Variants in PTPRT observed in about 807,000 individuals in gnomAD.
PTPRT encodes protein tyrosine phosphatase receptor type T.
PTPRT carries 56 observed loss-of-function variants against 176.8 expected under a neutral mutation model. The observed-to-expected ratio is 0.32, with a 90% CI of 0.26 to 0.40. The LOEUF (loss-of-function observed/expected upper bound fraction) is 0.40, where lower values mean the gene tolerates loss of function less well. Among genes scored for constraint, PTPRT ranks in the 10% least tolerant of loss-of-function variants. The pLI, the probability that PTPRT is intolerant of heterozygous loss-of-function variation, is 1.00. For synonymous variants in PTPRT, 783 were observed against 739.0 expected, an observed-to-expected ratio of 1.06 and a Z score of -0.96; for missense variants, 1,540 against 1,908.2, an observed-to-expected ratio of 0.81 and a Z score of 3.60.
intron 6 of PTPRT, among the ~76,000 whole-genome samples, chr20:42,723,543 A>G (rs1460378064): frequency 1.3e-5 from 2 of 152,114 alleles, no homozygotes; most frequent in Admixed American, 6.5e-5. Context: ...CCTGTGGTCT[A>G]TCCTCAGGGG....
At chr20:42,862,218 C>G (rs1015233933) in intron 2 of PTPRT, among the ~76,000 whole-genome samples, 1 of 152,144 alleles carries the variant, frequency 6.6e-6, no homozygotes, top group South Asian at 2.1e-4. Flanking sequence ...TATTGAACCA[C>G]TCAAGGCTAC....
At chr20:42,766,746 C>T (rs6065533) in intron 5 of PTPRT, among the ~76,000 whole-genome samples, 25,331 of 152,170 alleles carry the variant, frequency 0.17, 2,232 homozygotes, top group African/African-American at 0.2. Context: ...GAAGGGCCAC[C>T]GACATACCTG....
At chr20:42,690,177 G>A (rs1600614809) in intron 6 of PTPRT, among the ~76,000 whole-genome samples, 2 of 152,142 alleles carry the variant, frequency 1.3e-5, no homozygotes, top group East Asian at 3.9e-4. Flanking sequence ...AGCAGGGGTG[G>A]GGGGCCAGCA....
At chr20:42,901,653 G>A (rs1568670842) in intron 1 of PTPRT, among the ~76,000 whole-genome samples, 2 of 152,104 alleles carry the variant, frequency 1.3e-5, no homozygotes, top group Admixed American at 6.5e-5. Flanking sequence ...CACAGTGGTA[G>A]CACAGTTCTG....
chr20:42,861,487 G>GA (rs986717212), intron 2 of PTPRT, among the ~76,000 whole-genome samples: 20 of 151,304 alleles, frequency 1.3e-4, no homozygotes, highest in Non-Finnish European at 2.9e-4. Context: ...ATTCATTTAA[G>GA]AAAAAAAATT....
intron 1 of PTPRT, among the ~76,000 whole-genome samples, chr20:43,083,345 T>TATATATACAC (rs2011505111): frequency 5.1e-5 from 6 of 117,376 alleles, no homozygotes; most frequent in Non-Finnish European, 1.1e-4. Flanking sequence ...TATATATATA[T>TATATATACAC]ATATATATAT....
At chr20:42,083,114 A>G (rs1387634984) in intron 29 of PTPRT, among the ~76,000 whole-genome samples, 2 of 137,002 alleles carry the variant, frequency 1.5e-5, no homozygotes, top group Non-Finnish European at 3.1e-5. Flanking sequence ...AAAAGACACT[A>G]GTGCAAAAAA....
At chr20:42,702,968 T>C (rs1450861530) in intron 6 of PTPRT, among the ~76,000 whole-genome samples, 3 of 152,198 alleles carry the variant, frequency 2.0e-5, no homozygotes, top group South Asian at 2.1e-4. Context: ...AGCCAGCCCA[T>C]ATGGTTTGGG....
intron 1 of PTPRT, among the ~76,000 whole-genome samples, chr20:43,107,094 T>C (rs1306460321): frequency 2.6e-5 from 4 of 152,302 alleles, no homozygotes; most frequent in South Asian, 4.1e-4. Context: ...CTGGCCAGTA[T>C]TTTTAACTTC....
At chr20:42,460,214 A>T (rs1361550556) in intron 8 of PTPRT, among the ~76,000 whole-genome samples, 1 of 152,168 alleles carries the variant, frequency 6.6e-6, no homozygotes, top group Non-Finnish European at 1.5e-5. Flanking sequence ...TAACATATGG[A>T]TGGATTTTAA....
intron 15 of PTPRT, among the ~76,000 whole-genome samples, chr20:42,220,053 T>G (rs181009681): frequency 1.5e-5 from 2 of 131,718 alleles, no homozygotes; most frequent in South Asian, 5.0e-4. Context: ...ATATATATAT[T>G]TTTCAACATA....
chr20:43,076,037 AG>A (rs1482207966), intron 1 of PTPRT, among the ~76,000 whole-genome samples: 1 of 152,222 alleles, frequency 6.6e-6, no homozygotes, highest in East Asian at 1.9e-4. Flanking sequence ...ATGTCTGTCA[AG>A]AATCTTAAAT....
chr20:42,297,441 C>T (rs2057403528), intron 12 of PTPRT, among the ~76,000 whole-genome samples: 1 of 152,136 alleles, frequency 6.6e-6, no homozygotes, highest in African/African-American at 2.4e-5. Flanking sequence ...GATAATTCAA[C>T]ATCTTAAAGA....
chr20:42,537,488 C>T (rs754413944), intron 7 of PTPRT, among the ~76,000 whole-genome samples: 14 of 152,098 alleles, frequency 9.2e-5, no homozygotes, highest in Non-Finnish European at 1.5e-4. Context: ...TGACATCTTT[C>T]AACAGAATTT....
intron 17 of PTPRT, among the ~76,000 whole-genome samples, chr20:42,146,333 C>T (rs1247937047): frequency 6.6e-6 from 1 of 152,194 alleles, no homozygotes; most frequent in Non-Finnish European, 1.5e-5. Context: ...ACATGTCCCC[C>T]TGAAAGTGGG....
At chr20:42,250,717 A>T (rs945625106) in intron 13 of PTPRT, among the ~76,000 whole-genome samples, 7 of 152,210 alleles carry the variant, frequency 4.6e-5, no homozygotes, top group Non-Finnish European at 1.5e-5. Context: ...AGTGAACCAC[A>T]GTTGTGGACT....
At chr20:42,736,113 G>A (rs1018485298) in intron 6 of PTPRT, among the ~76,000 whole-genome samples, 5 of 152,140 alleles carry the variant, frequency 3.3e-5, no homozygotes, top group South Asian at 4.1e-4. Flanking sequence ...CCTTACCTTC[G>A]AACAATTATA....
At chr20:42,523,505 A>T (rs965231711) in intron 7 of PTPRT, among the ~76,000 whole-genome samples, 5 of 152,126 alleles carry the variant, frequency 3.3e-5, no homozygotes, top group African/African-American at 4.8e-5. Context: ...AATATTGTTC[A>T]TGGGGTTTTG....
At chr20:42,787,765 T>C (rs1266624780) in intron 3 of PTPRT, among the ~76,000 whole-genome samples, 1 of 152,204 alleles carries the variant, frequency 6.6e-6, no homozygotes, top group Non-Finnish European at 1.5e-5. Context: ...AGTAATTTGG[T>C]GGTAAAACCT....
Sources: gnomAD v4.1 joint callset for allele counts (sites outside exome capture counted in the v4.1 genomes callset) on GRCh38, gnomAD v4.1.1 for gene constraint, MANE v1.5 for transcripts, NCBI Gene and HGNC (gene_info 2026-07-23, HGNC 2026-07-21) for gene names.